The following FCN1 variants were observed in gnomAD, a reference collection of about 807,000 sequenced individuals.
The protein encoded by FCN1 is ficolin-1.
Under a neutral mutation model 35.6 loss-of-function variants are expected in FCN1, and 42 were observed. The observed-to-expected ratio is 1.18, with a 90% CI of 0.92 to 1.53. The LOEUF (loss-of-function observed/expected upper bound fraction) is 1.53, where lower values mean the gene tolerates loss of function less well. FCN1 is among the 40% of genes most tolerant of loss of function. The pLI is 0.00. For synonymous variants in FCN1, 179 were observed against 169.8 expected (o/e 1.05, Z -0.42); for missense variants, 439 against 428.4 (o/e 1.02, Z -0.22).
rs549360401 is a variant in FCN1, at chr9:134,913,858, C to T, written c.308-245G>A. ...GCTTGGTGGGCTGTGGCAGGCGCTG[C>T]GGGTCCTGCTGGACGAACTGGACCC... On this transcript the variant is annotated intron_variant, in intron 4 of 8. Transcript: ENST00000371806. Among the ~76,000 whole-genome samples the T allele has an allele frequency of 1.2e-4, 18 of 152,282 alleles. No individual in the cohort carries two copies. The South Asian group carries it at 3.1e-3, about 26-fold the overall frequency.
rs746958769 is a variant in FCN1 at position 134,909,601 on chromosome 9, T to G, written c.*197A>C. 1 of 1,515,840 alleles carries G rather than the reference T, an allele frequency of 6.6e-7. No homozygotes were observed. Among genetic ancestry groups the G allele is most frequent in the South Asian group, 1.2e-5 (1 of 84,576 alleles). 93.9% of individuals were successfully genotyped at this position (1,515,840 alleles called of 1,614,324 possible). On this transcript the variant is annotated 3_prime_UTR_variant, in exon 9 of 9. Transcript: ENST00000371806. ...CTGGTAAAACTTTTCTGTCCCAAAGTAAACATATTTAGAAACATAATTCTC... is the reference window on the plus strand; with the variant it reads ...CTGGTAAAACTTTTCTGTCCCAAAGGAAACATATTTAGAAACATAATTCTC...
chr9:134,909,963 C>G lies in FCN1; in HGVS notation c.816G>C (p.Glu272Asp), dbSNP rs141838661. The part of the protein sequence containing the change: ...DNDVSSSNCA[E>D]KFQGAWWYAD... ...CGTACCACCAGGCTCCTTGGAACTTCTCAGCACAATTCGAAGAACTCACAT... is the reference window on the plus strand; with the variant it reads ...CGTACCACCAGGCTCCTTGGAACTTGTCAGCACAATTCGAAGAACTCACAT... The change falls in exon 9 of 9, where the codon GAG (glutamate) becomes GAC (aspartate). Residue 272 changes from glutamate to aspartate, a missense_variant. By Grantham distance (45) the Glu-to-Asp change is conservative. Transcript: ENST00000371806. 6.8e-5 allele frequency: 110 copies of G among 1,614,030 alleles called. No individual in the cohort carries two copies. Among genetic ancestry groups the G allele is most frequent in the Non-Finnish European group, 9.0e-5 (106 of 1,180,018 alleles).
rs2382713 is a variant in FCN1, at chr9:134,907,539, C to T, written c.*2259G>A. ...GTCAAGAAACAGAGCATTGCCAGAA[C>T]CCCAGAGGCTTGTCCCTGTCCCTTC... On this transcript the variant is annotated 3_prime_UTR_variant, in exon 9 of 9. Coordinates refer to ENST00000371806, the MANE Select transcript of FCN1 (RefSeq NM_002003.5). 89,007 of 152,136 alleles carry T rather than the reference C, an allele frequency of 0.59. 26,311 individuals carry two copies. Among genetic ancestry groups the T allele is most frequent in the Non-Finnish European group, 0.63 (42,593 of 67,994 alleles). The allele number at this position is 152,136 out of a possible 1,614,324, so 9.4% of individuals were successfully genotyped here. A position where few individuals can be genotyped will look rare whatever the true frequency, so the allele number is the denominator to read the frequency against.
At chr9:134,911,918 T>C (rs915308201) in intron 7 of FCN1, among the ~76,000 whole-genome samples, 3 of 152,204 alleles carry the variant, frequency 2.0e-5, no homozygotes, top group African/African-American at 7.2e-5. Context: ...CTAATTGTAG[T>C]TTCTTTTGCA....
chr9:134,911,176 C>A lies in FCN1; in HGVS notation c.690G>T (p.Glu230Asp). ...AGGCTCCCAGTACCAGCTTGTACTT[C>A]TCTGCCTCGTCAGCCACCTTGAATG... Reference protein sequence around the residue: ...YKSFKVADEAEKYKLVLGAFV... With the variant: ...YKSFKVADEADKYKLVLGAFV... The change falls in exon 8 of 9, where the codon GAG becomes GAT. Residue 230 changes from glutamate to aspartate, a missense_variant. Transcript: ENST00000371806. The A allele has an allele frequency of 6.2e-7, 1 of 1,614,174 alleles. No homozygotes were observed. The highest frequency in any genetic ancestry group is 8.5e-7 in the Non-Finnish European group (1 of 1,180,032).
At chr9:134,912,425 G>C (rs1831034506) in intron 7 of FCN1, 61 bp downstream of exon 7, 3 of 1,551,384 alleles carry the variant, frequency 1.9e-6, no homozygotes, top group Admixed American at 1.8e-5. Context: ...AGATGGCCCA[G>C]GCCTAAGGGG....
At chr9:134,917,630 C>A in intron 1 of FCN1, 139 bp downstream of exon 1, 1 of 622,320 alleles carries the variant, frequency 1.6e-6, no homozygotes, top group Admixed American at 2.4e-5. Context: ...GCCTCCATGT[C>A]CTTGCCTGAG....
At position 134,907,576 on chromosome 9, in the gene FCN1, G is replaced by A. The variant is rs1830970104; in HGVS notation, c.*2222C>T. ...GTCCCTGTCCCTTCCCAGTCACCAT[G>A]TGGTCCCACCCTCAAATACAATCAC... On this transcript the variant is annotated 3_prime_UTR_variant, in exon 9 of 9. Transcript: ENST00000371806. 1 of 152,138 alleles carries A rather than the reference G, an allele frequency of 6.6e-6. No homozygotes were observed. Among genetic ancestry groups the A allele is most frequent in the African/African-American group, 2.4e-5 (1 of 41,418 alleles). 9.4% of individuals were successfully genotyped at this position (152,138 alleles called of 1,614,324 possible). A position where few individuals can be genotyped will look rare whatever the true frequency, so the allele number is the denominator to read the frequency against.
rs1416355341 is a variant in FCN1 at position 134,905,440 on chromosome 9, G to A, written c.*4358C>T. ...CAGTTCTGCTGATGTGAGTTGGGGA[G>A]GAATTGGTGATGGGAAAAGACTCTT... On this transcript the variant is annotated 3_prime_UTR_variant, in exon 9 of 9. Coordinates refer to ENST00000371806, the MANE Select transcript of FCN1 (RefSeq NM_002003.5). Among the ~76,000 whole-genome samples the A allele has an allele frequency of 1.3e-5, 2 of 152,320 alleles. No homozygotes were observed. Among genetic ancestry groups the A allele is most frequent in the Non-Finnish European group, 2.9e-5 (2 of 68,024 alleles).
intron 2 of FCN1, among the ~76,000 whole-genome samples, chr9:134,915,839 C>T (rs1338595237): frequency 6.6e-6 from 1 of 152,236 alleles, no homozygotes; most frequent in Non-Finnish European, 1.5e-5. Context: ...CTCCCATGTT[C>T]CCTGCAAATC....
chr9:134,914,266 C>T (rs1289515032), intron 4 of FCN1, 119 bp downstream of exon 4: 2 of 920,930 alleles, frequency 2.2e-6, no homozygotes, highest in Admixed American at 3.4e-5. Flanking sequence ...TCCACCCCTC[C>T]CTGCCCACAG....
intron 1 of FCN1, among the ~76,000 whole-genome samples, chr9:134,917,271 C>A (rs563387243): frequency 6.6e-6 from 1 of 152,154 alleles, no homozygotes; most frequent in African/African-American, 2.4e-5. Context: ...TCTTGCTGAG[C>A]GTCACAGAAC....
chr9:134,914,863 C>A, intron 2 of FCN1, 54 bp from the exon 3 acceptor site: 2 of 1,450,662 alleles, frequency 1.4e-6, no homozygotes, highest in African/African-American at 1.4e-5. Context: ...ACAATTCTCC[C>A]TGGAAATCTT....
chr9:134,917,770 T>C lies in FCN1; in HGVS notation c.102A>G (p.Pro34=). 2 of 1,610,720 alleles carry C rather than the reference T, an allele frequency of 1.2e-6. No individual in the cohort carries two copies. The highest frequency in any genetic ancestry group is 1.7e-6 in the Non-Finnish European group (2 of 1,176,944). The change falls in exon 1 of 9, where the codon CCA becomes CCG. Residue 34 remains proline (P), a splice_region_variant and synonymous_variant. Coordinates refer to ENST00000371806, the MANE Select transcript of FCN1 (RefSeq NM_002003.5). ...NLPAQAADTC[P]EVKVVGLEGS... ...CCAGAAAACCCAGGTCTGTCTCACC[T>C]GGACATGTGTCCGCAGCCTGGGCAG... is the stretch of plus-strand genomic sequence containing the variant.
At chr9:134,911,857 C>T (rs1260285201) in intron 7 of FCN1, among the ~76,000 whole-genome samples, 1 of 152,204 alleles carries the variant, frequency 6.6e-6, no homozygotes, top group Middle Eastern at 3.2e-3. Flanking sequence ...TGAAAGTGTA[C>T]CTTCTCCTTC....
intron 7 of FCN1, among the ~76,000 whole-genome samples, 173 bp downstream of exon 7, chr9:134,912,313 T>C (rs1270923436): frequency 1.3e-5 from 2 of 152,204 alleles, no homozygotes; most frequent in Non-Finnish European, 2.9e-5. Context: ...CTTCCCGATG[T>C]TGCCAGAGCC....
intron 3 of FCN1, 42 bp downstream of exon 3, chr9:134,914,714 G>A: frequency 6.8e-7 from 1 of 1,476,108 alleles, no homozygotes; most frequent in South Asian, 1.2e-5. Context: ...ACAGCTCCAA[G>A]GTCCCTGCTC....
Position 134,913,396 on chromosome 9 carries a change from A to G in FCN1, c.340+185T>C, listed in dbSNP as rs528317788. Among the ~76,000 whole-genome samples the G allele has an allele frequency of 1.2e-4, 18 of 152,246 alleles. No homozygotes were observed. The South Asian group carries it at 1.7e-3, about 14-fold the overall frequency. ...GGGCACCCGGCCTTCTAGGGTAGAT[A>G]ATAGTAGAGCCCAGGTTGTCATGGA... On this transcript the variant is annotated intron_variant, in intron 5 of 8. Transcript: ENST00000371806.
In FCN1 at chr9:134,905,810, CTCT is replaced by C. The variant is rs1186494371; in HGVS notation, c.*3985_*3987del. The C allele has an allele frequency of 5.6e-5, 3 of 53,886 alleles. No individual in the cohort carries two copies. The highest frequency in any genetic ancestry group is 3.6e-4 in the East Asian group (1 of 2,812). The allele number at this position is 53,886 out of a possible 1,614,324, so 3.3% of individuals were successfully genotyped here. On this transcript the variant is annotated 3_prime_UTR_variant, in exon 9 of 9. Transcript: ENST00000371806. ...CTGCTGCTGCTTCTTCTTCTTCTTC[CTCT>C]TCTTCTTCTTCTTCCTCTTCCTCTT... is the stretch of plus-strand genomic sequence containing the variant.
Sources: allele counts gnomAD v4.1 joint callset (sites outside exome capture counted in the v4.1 genomes callset), GRCh38; gene constraint gnomAD v4.1.1; transcripts MANE v1.5; gene names NCBI Gene and HGNC (gene_info 2026-07-23, HGNC 2026-07-21).